The following BACE2 variants were observed in gnomAD, a reference collection of about 807,000 sequenced individuals.
BACE2 encodes the protein 56 kDa aspartic-like protease.
BACE2 carries 17 observed loss-of-function variants against 46.2 expected under a neutral mutation model. The observed-to-expected ratio is 0.37, with a 90% confidence interval of 0.25 to 0.55. BACE2 has a LOEUF of 0.55. Among genes scored for constraint, BACE2 ranks in the 20% least tolerant of loss-of-function variants. BACE2 has a pLI of 0.82. For synonymous variants in BACE2, 277 were observed against 295.9 expected, an observed-to-expected ratio of 0.94 and a Z score of 0.66; for missense variants, 595 against 698.1, an observed-to-expected ratio of 0.85 and a Z score of 1.66.
chr21:41,201,174 C>T (rs535728854), intron 1 of BACE2, among the ~76,000 whole-genome samples: 41 of 152,326 alleles, frequency 2.7e-4, no homozygotes, highest in Non-Finnish European at 5.3e-4. Flanking sequence ...ATCCTCTGGA[C>T]CATGCAAAAT....
At chr21:41,267,792 GA>G (rs926449204) in intron 8 of BACE2, among the ~76,000 whole-genome samples, 56 of 152,026 alleles carry the variant, frequency 3.7e-4, no homozygotes, top group Non-Finnish European at 6.8e-4. Context: ...CATGGTTGCA[GA>G]AAAAAAATCT....
At chr21:41,242,977 C>T (rs775416466) in intron 4 of BACE2, among the ~76,000 whole-genome samples, 1 of 152,020 alleles carries the variant, frequency 6.6e-6, no homozygotes, top group Admixed American at 6.6e-5. Context: ...TGCAGTGACG[C>T]GATCTCAGCT....
chr21:41,268,811 T>G (rs557294993), intron 8 of BACE2, among the ~76,000 whole-genome samples: 1 of 152,304 alleles, frequency 6.6e-6, no homozygotes, highest in South Asian at 2.1e-4. Context: ...TTTTTTGCAT[T>G]TTTATTATAC....
intron 7 of BACE2, among the ~76,000 whole-genome samples, chr21:41,252,678 C>T (rs1294887987): frequency 6.6e-6 from 1 of 152,148 alleles, no homozygotes; most frequent in African/African-American, 2.4e-5. Flanking sequence ...AGGGAAAGTA[C>T]ATCAGAACTG....
Position 41,277,931 on chromosome 21 carries a change from A to G in BACE2, c.*2307A>G, listed in dbSNP as rs1425632862. The G allele has an allele frequency of 2.6e-5, 4 of 152,364 alleles. No homozygotes were observed. The highest frequency in any genetic ancestry group is 6.5e-5 in the Admixed American group (1 of 15,308). 9.4% of individuals were successfully genotyped at this position (152,364 alleles called of 1,614,324 possible). On this transcript the variant is annotated 3_prime_UTR_variant, in exon 9 of 9. Transcript: ENST00000330333. The stretch of plus-strand genomic sequence containing the variant: ...AAAGCATAACTTCGCAACAAGAATG[A>G]GATAGACAATTGAATGTGGGACATT...
intron 1 of BACE2, among the ~76,000 whole-genome samples, chr21:41,212,661 C>T (rs887894227): frequency 1.3e-4 from 20 of 152,148 alleles, no homozygotes; most frequent in African/African-American, 3.4e-4. Context: ...AAGGGAGCAA[C>T]GGTTTGGACC....
At chr21:41,239,437 G>A (rs774579527) in intron 3 of BACE2, among the ~76,000 whole-genome samples, 2 of 152,166 alleles carry the variant, frequency 1.3e-5, no homozygotes, top group Non-Finnish European at 2.9e-5. Flanking sequence ...GAGTGCAGCA[G>A]TGTAATCTCA....
At chr21:41,197,575 T>A (rs1045558155) in intron 1 of BACE2, among the ~76,000 whole-genome samples, 2 of 152,136 alleles carry the variant, frequency 1.3e-5, no homozygotes, top group Non-Finnish European at 2.9e-5. Flanking sequence ...GTTGGCTACC[T>A]ATAAAACACT....
chr21:41,177,120 A>G (rs1467056146), intron 1 of BACE2: 1 of 152,240 alleles, frequency 6.6e-6, no homozygotes, highest in East Asian at 1.9e-4. Context: ...GCAGAAAGGA[A>G]ATGTGATACT....
intron 1 of BACE2, among the ~76,000 whole-genome samples, chr21:41,214,963 G>T (rs994273505): frequency 5.3e-5 from 8 of 152,018 alleles, no homozygotes; most frequent in Non-Finnish European, 8.8e-5. Context: ...GAAGGACTGT[G>T]GGGGGCAAAC....
intron 8 of BACE2, among the ~76,000 whole-genome samples, chr21:41,271,053 T>G (rs2088429447): frequency 6.6e-6 from 1 of 152,242 alleles, no homozygotes; most frequent in African/African-American, 2.4e-5. Flanking sequence ...ATTATGAAAC[T>G]ACTATATTTA....
At chr21:41,234,578 C>G (rs1431117727) in intron 2 of BACE2, among the ~76,000 whole-genome samples, 2 of 152,200 alleles carry the variant, frequency 1.3e-5, no homozygotes, top group Non-Finnish European at 2.9e-5. Flanking sequence ...AAAGAAATTG[C>G]CAACCTCTGT....
At chr21:41,251,024 A>G (rs1407638046) in intron 7 of BACE2, 123 bp downstream of exon 7, 1 of 1,028,268 alleles carries the variant, frequency 9.7e-7, no homozygotes, top group Non-Finnish European at 1.4e-6. Flanking sequence ...ATGCTGCAAA[A>G]GACAGCCACA....
chr21:41,262,746 T>C (rs1987972761), intron 8 of BACE2, among the ~76,000 whole-genome samples: 1 of 152,180 alleles, frequency 6.6e-6, no homozygotes, highest in Non-Finnish European at 1.5e-5. Context: ...TATTCCTATG[T>C]ACCTCTTAGT....
At position 41,279,387 on chromosome 21, in the gene BACE2, G is replaced by A. The variant is rs2088522423; in HGVS notation, c.*3763G>A. On this transcript the variant is annotated 3_prime_UTR_variant, in exon 9 of 9. Coordinates refer to ENST00000330333, the MANE Select transcript of BACE2 (RefSeq NM_012105.5). ...GAGGCAGGTGGATCACCTGAGGTCA[G>A]GAGTTTGAGACCAGCCTGGACAACA... 6.6e-6 allele frequency: 1 copy of A among 152,198 alleles called. No homozygotes were observed. Among genetic ancestry groups the A allele is most frequent in the Admixed American group, 6.5e-5 (1 of 15,282 alleles). The allele number at this position is 152,198 out of a possible 1,614,324, so 9.4% of individuals were successfully genotyped here.
chr21:41,237,915 G>T (rs1438710116), intron 3 of BACE2, among the ~76,000 whole-genome samples, 186 bp downstream of exon 3: 1 of 152,212 alleles, frequency 6.6e-6, no homozygotes, highest in Non-Finnish European at 1.5e-5. Context: ...TAAACAGCAT[G>T]ATTCTTGGAA....
chr21:41,275,657 T>G lies in BACE2; in HGVS notation c.*33T>G. ...GGCCTGACCTCAAGCAACCATGAAC[T>G]CAGCTATTAAGAAAATCACATTTCC... is the stretch of plus-strand genomic sequence containing the variant. On this transcript the variant is annotated 3_prime_UTR_variant, in exon 9 of 9. Transcript: ENST00000330333. The G allele has an allele frequency of 6.2e-7, 1 of 1,604,462 alleles. No homozygotes were observed. Among genetic ancestry groups the G allele is most frequent in the East Asian group, 2.2e-5 (1 of 44,590 alleles).
At chr21:41,255,832 C>A (rs1197561406) in intron 7 of BACE2, among the ~76,000 whole-genome samples, 1 of 152,196 alleles carries the variant, frequency 6.6e-6, no homozygotes, top group Non-Finnish European at 1.5e-5. Flanking sequence ...TTTTATTTAA[C>A]CTTGTATAAC....
chr21:41,200,103 T>C (rs375821603), intron 1 of BACE2, among the ~76,000 whole-genome samples: 52 of 149,622 alleles, frequency 3.5e-4, no homozygotes, highest in East Asian at 2.6e-3. Flanking sequence ...GATGAGTTGA[T>C]GGGTGCAGCA....
Sources: allele counts gnomAD v4.1 joint callset (sites outside exome capture counted in the v4.1 genomes callset), GRCh38; gene constraint gnomAD v4.1.1; transcripts MANE v1.5; gene names NCBI Gene and HGNC (gene_info 2026-07-23, HGNC 2026-07-21).